The following EYS variants were observed in gnomAD, a reference collection of about 807,000 sequenced individuals.
EYS encodes the protein protein eyes shut homolog.
A neutral mutation model predicts 282.1 loss-of-function variants in EYS; 250 were observed. That is an observed-to-expected ratio of 0.89 (90% CI 0.80 to 0.98). EYS has a LOEUF of 0.98. Ranked by LOEUF, EYS falls within the 50% of genes least tolerant of loss-of-function variation. The pLI is 0.00. For missense variants in EYS, 4,016 were observed against 3,709.0 expected (o/e 1.08, Z -2.15); for synonymous variants, 1,355 against 1,282.9 (o/e 1.06, Z -1.20).
At chr6:65,661,149 C>A (rs1334931947) in intron 1 of EYS, among the ~76,000 whole-genome samples, 1 of 151,774 alleles carries the variant, frequency 6.6e-6, no homozygotes, top group Non-Finnish European at 1.5e-5. Flanking sequence ...TCTTCCTTAC[C>A]AAAGGAATGT....
rs866074333 is a variant in EYS, at chr6:64,686,845, A to G, written c.3444-60600T>C. Among the ~76,000 whole-genome samples, 24 of 62,310 alleles carry G rather than the reference A, an allele frequency of 3.9e-4. 3 individuals are homozygous for G. The highest frequency in any genetic ancestry group is 7.9e-4 in the African/African-American group (12 of 15,140). The allele number at this position is 62,310 out of a possible 152,430, so 40.9% of individuals were successfully genotyped here. ...TGTGTATATATATATATACGTGTAT[A>G]TATATATATGTGTATATATATACGT... On this transcript the variant is annotated intron_variant, in intron 22 of 42. Coordinates refer to ENST00000503581, the MANE Select transcript of EYS (RefSeq NM_001142800.2).
chr6:64,490,203 T>G (rs2150505338), intron 26 of EYS, among the ~76,000 whole-genome samples: 1 of 150,956 alleles, frequency 6.6e-6, no homozygotes, highest in South Asian at 2.1e-4. Flanking sequence ...CATATAAGAC[T>G]ATTGCCCCGA....
chr6:65,644,838 TAC>T (rs1243195666), intron 1 of EYS, among the ~76,000 whole-genome samples: 12 of 151,856 alleles, frequency 7.9e-5, no homozygotes, highest in African/African-American at 1.9e-4. Flanking sequence ...GAAGGAAAGA[TAC>T]AGTCTTTTCC....
chr6:65,419,639 C>A (rs923537758), intron 5 of EYS, among the ~76,000 whole-genome samples: 1 of 151,860 alleles, frequency 6.6e-6, no homozygotes, highest in Non-Finnish European at 1.5e-5. Flanking sequence ...AAGTAATATT[C>A]ATTTTAATAA....
chr6:65,178,619 T>C (rs1562006562), intron 12 of EYS, among the ~76,000 whole-genome samples: 1 of 151,884 alleles, frequency 6.6e-6, no homozygotes, highest in Non-Finnish European at 1.5e-5. Context: ...GTGGGAGACT[T>C]TAACACCCCA....
intron 19 of EYS, among the ~76,000 whole-genome samples, chr6:64,869,762 A>T (rs7756335): frequency 6.6e-6 from 1 of 151,430 alleles, no homozygotes; most frequent in African/African-American, 2.4e-5. Flanking sequence ...ATTATAAAAG[A>T]TCTTGAGAAT....
intron 2 of EYS, among the ~76,000 whole-genome samples, chr6:65,565,560 A>G (rs1173386005): frequency 6.6e-6 from 1 of 152,104 alleles, no homozygotes; most frequent in Admixed American, 6.5e-5. Context: ...AGGATCTAGA[A>G]CCAGAAATAC....
intron 35 of EYS, among the ~76,000 whole-genome samples, chr6:63,917,244 T>A (rs1581973858): frequency 6.6e-6 from 1 of 152,226 alleles, no homozygotes; most frequent in Non-Finnish European, 1.5e-5. Context: ...GAAGGTCAGT[T>A]GTTGGTCTGG....
intron 41 of EYS, among the ~76,000 whole-genome samples, chr6:63,756,137 T>C (rs1055121447): frequency 1.3e-5 from 2 of 152,216 alleles, no homozygotes; most frequent in Non-Finnish European, 2.9e-5. Context: ...TCTTGCCTGA[T>C]TGCCCTGGCC....
intron 12 of EYS, among the ~76,000 whole-genome samples, chr6:65,291,828 A>T (rs1258324409): frequency 6.6e-6 from 1 of 151,608 alleles, no homozygotes; most frequent in Non-Finnish European, 1.5e-5. Flanking sequence ...TTCTACCTAC[A>T]TCAGAGAACT....
intron 18 of EYS, among the ~76,000 whole-genome samples, chr6:64,900,749 C>T (rs762942846): frequency 2.6e-5 from 4 of 151,666 alleles, no homozygotes; most frequent in Middle Eastern, 3.4e-3. Context: ...TAGAGAGATG[C>T]GGAGAAAATG....
At chr6:65,526,588 G>A (rs2127303033) in intron 2 of EYS, among the ~76,000 whole-genome samples, 1 of 152,216 alleles carries the variant, frequency 6.6e-6, no homozygotes, top group South Asian at 2.1e-4. Context: ...GGTGGATCAC[G>A]AGGTCAGGAG....
At chr6:64,871,167 T>A (rs899457683) in intron 19 of EYS, among the ~76,000 whole-genome samples, 2 of 151,958 alleles carry the variant, frequency 1.3e-5, no homozygotes, top group Non-Finnish European at 2.9e-5. Flanking sequence ...GATTATACAA[T>A]TATATAGACA....
intron 29 of EYS, among the ~76,000 whole-genome samples, chr6:64,333,903 TG>T (rs1447187128): frequency 1.1e-4 from 16 of 152,198 alleles, no homozygotes; most frequent in African/African-American, 3.1e-4. Context: ...GGGAGGTCAA[TG>T]GCCCTGGGAA....
At chr6:65,310,964 C>G (rs1769140125) in intron 11 of EYS, among the ~76,000 whole-genome samples, 1 of 151,846 alleles carries the variant, frequency 6.6e-6, no homozygotes, top group African/African-American at 2.4e-5. Context: ...ACCAACTTTT[C>G]CTGTCGTGTT....
At chr6:64,817,196 C>T (rs1764763042) in intron 21 of EYS, among the ~76,000 whole-genome samples, 2 of 152,006 alleles carry the variant, frequency 1.3e-5, no homozygotes, top group African/African-American at 4.8e-5. Flanking sequence ...GGAAAGCATT[C>T]TGATGGTTCA....
chr6:65,297,858 G>A (rs1201967519), intron 11 of EYS, among the ~76,000 whole-genome samples: 1 of 152,048 alleles, frequency 6.6e-6, no homozygotes, highest in Non-Finnish European at 1.5e-5. Flanking sequence ...AAAATTGTTG[G>A]CCTGTGCTAG....
At chr6:65,570,799 A>C (rs1032168685) in intron 2 of EYS, among the ~76,000 whole-genome samples, 6 of 152,304 alleles carry the variant, frequency 3.9e-5, no homozygotes, top group Non-Finnish European at 8.8e-5. Flanking sequence ...CTGCTTCTGG[A>C]AACTTCAGCC....
chr6:63,942,020 G>GT (rs1765258081), intron 35 of EYS, among the ~76,000 whole-genome samples: 3 of 152,178 alleles, frequency 2.0e-5, no homozygotes, highest in Admixed American at 6.5e-5. Context: ...CACTAAAGGT[G>GT]TTGCAGTAGT....
Sources: allele counts gnomAD v4.1 joint callset (sites outside exome capture counted in the v4.1 genomes callset), GRCh38; gene constraint gnomAD v4.1.1; transcripts MANE v1.5; gene names NCBI Gene and HGNC (gene_info 2026-07-23, HGNC 2026-07-21).